TRPC7: variants seen among roughly 807,000 people sequenced by gnomAD.
TRPC7 encodes the protein transient receptor potential cation channel subfamily C member 7, also known as short transient receptor potential channel 7.
TRPC7 carries 42 observed loss-of-function variants against 90.1 expected under a neutral mutation model. The ratio of observed to expected loss-of-function variants is 0.47; its 90% CI spans 0.36 to 0.60. The LOEUF is 0.60. TRPC7 is among the 20% of genes least tolerant of loss of function. The pLI, the probability that TRPC7 is intolerant of heterozygous loss-of-function variation, is 0.00. For missense variants in TRPC7, 955 were observed against 1,112.3 expected (o/e 0.86, Z 2.01); for synonymous variants, 451 against 436.3 (o/e 1.03, Z -0.42).
At chr5:136,231,691 A>C (rs1317284111) in intron 7 of TRPC7, 142 bp from the exon 8 acceptor site, 1 of 717,030 alleles carries the variant, frequency 1.4e-6, no homozygotes, top group East Asian at 2.8e-5. Context: ...TCTAGCCCTG[A>C]CCTCCTGGAC....
intron 5 of TRPC7, among the ~76,000 whole-genome samples, chr5:136,262,674 A>T (rs563759496): frequency 2.0e-4 from 30 of 152,334 alleles, no homozygotes; most frequent in African/African-American, 6.3e-4. Context: ...ACTAGCCAGG[A>T]TGGAGTAACA....
At chr5:136,291,651 A>G (rs945737861) in intron 3 of TRPC7, among the ~76,000 whole-genome samples, 4 of 152,232 alleles carry the variant, frequency 2.6e-5, no homozygotes, top group Non-Finnish European at 4.4e-5. Flanking sequence ...GCAAGTCCTG[A>G]GTGACCTACA....
chr5:136,303,087 G>A (rs952853325), intron 3 of TRPC7, among the ~76,000 whole-genome samples: 2 of 152,046 alleles, frequency 1.3e-5, no homozygotes, highest in Non-Finnish European at 2.9e-5. Context: ...TCCGTGACTA[G>A]CCCTCCCCCA....
chr5:136,289,708 C>T (rs536418724), intron 3 of TRPC7, among the ~76,000 whole-genome samples: 16 of 152,360 alleles, frequency 1.1e-4, no homozygotes, highest in Non-Finnish European at 2.1e-4. Context: ...GTAGGCTCCA[C>T]CTCTAGGGGC....
chr5:136,334,572 G>T (rs906295750), intron 2 of TRPC7, among the ~76,000 whole-genome samples: 2 of 152,170 alleles, frequency 1.3e-5, no homozygotes, highest in African/African-American at 4.8e-5. Context: ...GCAACTCCAG[G>T]ATGGCTTTTC....
intron 3 of TRPC7, among the ~76,000 whole-genome samples, chr5:136,291,649 T>C (rs540861028): frequency 5.9e-4 from 90 of 152,296 alleles, no homozygotes; most frequent in African/African-American, 2.0e-3. Context: ...AAGCAAGTCC[T>C]GAGTGACCTA....
chr5:136,307,112 A>G (rs1300282129), intron 3 of TRPC7, among the ~76,000 whole-genome samples: 2 of 152,262 alleles, frequency 1.3e-5, no homozygotes, highest in African/African-American at 4.8e-5. Flanking sequence ...TAACATATTT[A>G]TCACCTTGCT....
intron 2 of TRPC7, among the ~76,000 whole-genome samples, chr5:136,340,665 T>C (rs1188099855): frequency 6.6e-6 from 1 of 151,908 alleles, no homozygotes; most frequent in Non-Finnish European, 1.5e-5. Context: ...TAAGAAAGCA[T>C]AAAATTTGAA....
At chr5:136,241,593 T>A (rs958756846) in intron 7 of TRPC7, among the ~76,000 whole-genome samples, 1 of 152,034 alleles carries the variant, frequency 6.6e-6, no homozygotes, top group African/African-American at 2.4e-5. Context: ...TCTCACTCTG[T>A]CACCCAGGCT....
At chr5:136,303,826 A>G (rs147618614) in intron 3 of TRPC7, 4,270 of 151,730 alleles carry the variant, frequency 0.028, 94 homozygotes, top group African/African-American at 0.053. Context: ...ACCATCACGG[A>G]TGCCGAGCTT....
At position 136,357,070 on chromosome 5, in the gene TRPC7, C is replaced by G. The variant is rs1440786397; in HGVS notation, c.318G>C (p.Val106=). 1 of 1,613,904 alleles carries G rather than the reference C, an allele frequency of 6.2e-7. No homozygotes were observed. The highest frequency in any genetic ancestry group is 8.5e-7 in the Non-Finnish European group (1 of 1,179,934). ...TGATGGCCAGCAGCAGCGCGTCCCC[C>G]ACCCGTGCCAGGTTCTCCTTCTTCA... ...LLLKKENLAR[V]GDALLLAISK... The change falls in exon 2 of 12, where the codon GTG becomes GTC. Residue 106 remains valine, a synonymous_variant. Transcript: ENST00000513104.
chr5:136,269,568 CAG>C (rs1757140767), intron 4 of TRPC7, among the ~76,000 whole-genome samples: 1 of 152,186 alleles, frequency 6.6e-6, no homozygotes, highest in Non-Finnish European at 1.5e-5. Flanking sequence ...TCTTTTATGA[CAG>C]AGTCTCCTTC....
intron 7 of TRPC7, among the ~76,000 whole-genome samples, chr5:136,243,208 C>T (rs1166158953): frequency 2.0e-5 from 3 of 152,004 alleles, no homozygotes; most frequent in Non-Finnish European, 4.4e-5. Context: ...GACTGCACCC[C>T]TAGGGTGAGC....
intron 8 of TRPC7, among the ~76,000 whole-genome samples, chr5:136,230,328 C>T (rs971861819): frequency 1.1e-4 from 16 of 152,146 alleles, no homozygotes; most frequent in African/African-American, 3.9e-4. Flanking sequence ...ACCCACCATG[C>T]CCCCTATTCC....
chr5:136,258,683 C>A (rs1327164280), intron 5 of TRPC7, among the ~76,000 whole-genome samples: 2 of 152,228 alleles, frequency 1.3e-5, no homozygotes, highest in Admixed American at 1.3e-4. Flanking sequence ...GGAGATGGAG[C>A]TTGACAGCTA....
In TRPC7 at chr5:136,315,716, G is replaced by C. The variant is rs1432751859; in HGVS notation, c.844C>G (p.Arg282Gly). 2 of 1,613,882 alleles carry C rather than the reference G, an allele frequency of 1.2e-6. No individual in the cohort carries two copies. The highest frequency in any genetic ancestry group is 2.7e-5 in the African/African-American group (2 of 74,898). ...DFVVGVLDLC[R>G]DTEEVEAILN... ...ATTGCTTCCACCTCTTCTGTGTCTC[G>C]GCACAGGTCCAGCACGCCCACTACA... Residue 282 changes from arginine to glycine, a missense_variant, in exon 3 of 12, where the codon CGA becomes GGA. Coordinates refer to ENST00000513104, the MANE Select transcript of TRPC7 (RefSeq NM_020389.3).
intron 3 of TRPC7, among the ~76,000 whole-genome samples, chr5:136,277,708 A>G (rs1190188394): frequency 6.6e-6 from 1 of 152,232 alleles, no homozygotes; most frequent in Admixed American, 6.5e-5. Flanking sequence ...AGAAAAGCTT[A>G]TAGCTAGAAT....
chr5:136,227,545 T>C (rs142227735), intron 8 of TRPC7, among the ~76,000 whole-genome samples: 2 of 152,092 alleles, frequency 1.3e-5, no homozygotes, highest in African/African-American at 4.8e-5. Context: ...CCACTTTGCT[T>C]TTGTTGAGGA....
At chr5:136,237,345 G>C (rs117875147) in intron 7 of TRPC7, among the ~76,000 whole-genome samples, 1 of 152,306 alleles carries the variant, frequency 6.6e-6, no homozygotes, top group African/African-American at 2.4e-5. Flanking sequence ...GGGTTTCACT[G>C]TACCCCATGC....
Sources: allele counts gnomAD v4.1 joint callset (sites outside exome capture counted in the v4.1 genomes callset), GRCh38; gene constraint gnomAD v4.1.1; transcripts MANE v1.5; gene names NCBI Gene and HGNC (gene_info 2026-07-23, HGNC 2026-07-21).